NCK1: variants seen among roughly 807,000 people sequenced by gnomAD.
NCK1 encodes NCK adaptor protein 1.
In NCK1, 19 loss-of-function variants were observed where a neutral mutation model predicts 36.6. The observed-to-expected ratio is 0.52, with a 90% CI of 0.36 to 0.76. The LOEUF (loss-of-function observed/expected upper bound fraction) is 0.76. Ranked by LOEUF, NCK1 falls within the 30% of genes least tolerant of loss-of-function variation. The pLI, the probability that NCK1 is intolerant of heterozygous loss-of-function variation, is 0.00. For synonymous variants in NCK1, 165 were observed against 156.0 expected (o/e 1.06, Z -0.43); for missense variants, 358 against 445.6 (o/e 0.80, Z 1.77).
chr3:136,889,044 A>ATTTTTTTTTTT (rs58385753), intron 1 of NCK1: 12 of 91,212 alleles, frequency 1.3e-4, no homozygotes, highest in African/African-American at 2.1e-4. Flanking sequence ...TAATTTTTTG[A>ATTTTTTTTTTT]TTTTTTTTTT....
chr3:136,907,161 T>G (rs1001714277), intron 1 of NCK1, among the ~76,000 whole-genome samples: 1 of 152,188 alleles, frequency 6.6e-6, no homozygotes, highest in African/African-American at 2.4e-5. Context: ...CAGCAGCTAT[T>G]GCAGGCAGTG....
chr3:136,871,714 C>T lies in NCK1; in HGVS notation c.-19+9361C>T, dbSNP rs183638648. Among the ~76,000 whole-genome samples, 630 of 152,242 alleles carry T rather than the reference C, an allele frequency of 4.1e-3. 2 individuals are homozygous for T. Among genetic ancestry groups the T allele is most frequent in the Non-Finnish European group, 6.5e-3 (443 of 68,026 alleles). On this transcript the variant is annotated intron_variant, in intron 1 of 3. Coordinates refer to ENST00000481752, the MANE Select transcript of NCK1 (RefSeq NM_001291999.2). ...ACTCAAATCTCATCTTGAATTGTTACTCCCACAATTCCCACGTGTGGTTGG... is the reference window on the plus strand; with the variant it reads ...ACTCAAATCTCATCTTGAATTGTTATTCCCACAATTCCCACGTGTGGTTGG...
chr3:136,896,719 T>A lies in NCK1; in HGVS notation c.-18-31265T>A, dbSNP rs893024142. Among the ~76,000 whole-genome samples, 4 of 152,272 alleles carry A rather than the reference T, an allele frequency of 2.6e-5. No individual in the cohort carries two copies. In the East Asian group the frequency reaches 7.7e-4, roughly 29 times the overall value. On this transcript the variant is annotated intron_variant, in intron 1 of 3. Coordinates refer to ENST00000481752, the MANE Select transcript of NCK1 (RefSeq NM_001291999.2). ...TCTCACTATGTTGCCCAAACTGGTC[T>A]CAAATTCCTGGGCTCAAGCAGTCCT...
At chr3:136,897,961 A>G (rs1334535638) in intron 1 of NCK1, among the ~76,000 whole-genome samples, 1 of 152,254 alleles carries the variant, frequency 6.6e-6, no homozygotes, top group Non-Finnish European at 1.5e-5. Flanking sequence ...ATGACTAAAT[A>G]CTTGACAACT....
intron 2 of NCK1, among the ~76,000 whole-genome samples, chr3:136,935,801 C>T (rs950267676): frequency 3.3e-5 from 5 of 152,236 alleles, no homozygotes; most frequent in African/African-American, 1.2e-4. Flanking sequence ...GTGCAGCCAT[C>T]ACTTCTGATT....
intron 1 of NCK1, among the ~76,000 whole-genome samples, chr3:136,923,707 A>G (rs970512143): frequency 1.3e-5 from 2 of 152,242 alleles, no homozygotes; most frequent in Admixed American, 1.3e-4. Flanking sequence ...ATGTTTAAAC[A>G]TTCATATAAA....
At chr3:136,911,129 C>T (rs1342600212) in intron 1 of NCK1, among the ~76,000 whole-genome samples, 1 of 152,164 alleles carries the variant, frequency 6.6e-6, no homozygotes, top group African/African-American at 2.4e-5. Flanking sequence ...TGTATATACA[C>T]CACATTTTTT....
At position 136,950,692 on chromosome 3, in the gene NCK1, T is replaced by C. The variant is rs1053208777; in HGVS notation, c.*2239T>C. Reference sequence around the variant, plus strand: ...AAACCAAGTTTCCTTATTCCCAGCCTGGTGTCTGTATCGTGACACACTACT... The same window carrying C: ...AAACCAAGTTTCCTTATTCCCAGCCCGGTGTCTGTATCGTGACACACTACT... On this transcript the variant is annotated 3_prime_UTR_variant, in exon 4 of 4. Transcript: ENST00000481752. Among the ~76,000 whole-genome samples the C allele has an allele frequency of 2.0e-5, 3 of 152,170 alleles. No individual in the cohort carries two copies. The highest frequency in any genetic ancestry group is 2.0e-4 in the Admixed American group (3 of 15,268).
intron 1 of NCK1, among the ~76,000 whole-genome samples, chr3:136,862,887 G>A (rs752752493): frequency 7.9e-6 from 1 of 125,948 alleles, no homozygotes; most frequent in South Asian, 2.4e-4. Flanking sequence ...CCGTTTTCTA[G>A]TCTGGGGCTG....
At chr3:136,927,868 C>T in intron 1 of NCK1, 116 bp from the exon 2 acceptor site, 2 of 767,080 alleles carry the variant, frequency 2.6e-6, no homozygotes, top group Non-Finnish European at 4.2e-6. Flanking sequence ...TATTTTTTTC[C>T]ATATTTTTTA....
intron 1 of NCK1, among the ~76,000 whole-genome samples, chr3:136,922,353 A>G (rs1940134886): frequency 6.6e-6 from 1 of 152,200 alleles, no homozygotes; most frequent in South Asian, 2.1e-4. Flanking sequence ...TCACAAAGGG[A>G]CAGAGAAAGG....
intron 1 of NCK1, among the ~76,000 whole-genome samples, chr3:136,924,956 T>G (rs1940201308): frequency 6.6e-6 from 1 of 152,170 alleles, no homozygotes; most frequent in African/African-American, 2.4e-5. Context: ...AATCTGTTAG[T>G]GCTTAATGAA....
At chr3:136,912,546 C>T (rs1446407232) in intron 1 of NCK1, among the ~76,000 whole-genome samples, 1 of 150,772 alleles carries the variant, frequency 6.6e-6, no homozygotes. Context: ...CTTTCTTCTG[C>T]CTGCTCAAGT....
chr3:136,874,577 TC>T (rs1448280863), intron 1 of NCK1, among the ~76,000 whole-genome samples: 1 of 152,248 alleles, frequency 6.6e-6, no homozygotes, highest in East Asian at 1.9e-4. Flanking sequence ...AGTTTTTGAA[TC>T]TGCTTGATCT....
intron 1 of NCK1, among the ~76,000 whole-genome samples, chr3:136,890,074 G>C (rs572916742): frequency 6.6e-6 from 1 of 152,152 alleles, no homozygotes; most frequent in Admixed American, 6.5e-5. Context: ...GGGGAGGCTC[G>C]GGCGGCACAG....
intron 1 of NCK1, among the ~76,000 whole-genome samples, chr3:136,883,413 T>C (rs1467664941): frequency 1.3e-5 from 2 of 152,174 alleles, no homozygotes; most frequent in Non-Finnish European, 2.9e-5. Flanking sequence ...TTTAAATATT[T>C]ACATGACTGC....
chr3:136,950,530 A>G lies in NCK1; in HGVS notation c.*2077A>G, dbSNP rs1260828155. ...TGGAAGCTACTTATTTTGTACTTAA[A>G]TATTTTACCAATTTTTAAAAAGTCT... On this transcript the variant is annotated 3_prime_UTR_variant, in exon 4 of 4. Coordinates refer to ENST00000481752, the MANE Select transcript of NCK1 (RefSeq NM_001291999.2). Among the ~76,000 whole-genome samples, 1 of 152,178 alleles carries G rather than the reference A, an allele frequency of 6.6e-6. No individual in the cohort carries two copies. Among genetic ancestry groups the G allele is most frequent in the Non-Finnish European group, 1.5e-5 (1 of 68,014 alleles).
At chr3:136,935,224 T>C (rs561848388) in intron 2 of NCK1, among the ~76,000 whole-genome samples, 83 of 152,314 alleles carry the variant, frequency 5.4e-4, no homozygotes, top group African/African-American at 1.8e-3. Context: ...AATGTGTAAT[T>C]AGTCTTAGAC....
chr3:136,947,101 G>A (rs868450477), intron 3 of NCK1: 6 of 152,148 alleles, frequency 3.9e-5, no homozygotes, highest in Non-Finnish European at 5.9e-5. Flanking sequence ...AATTTTGAAA[G>A]AAAATGTGTG....
Sources: allele counts gnomAD v4.1 joint callset (sites outside exome capture counted in the v4.1 genomes callset), GRCh38; gene constraint gnomAD v4.1.1; transcripts MANE v1.5; gene names NCBI Gene and HGNC (gene_info 2026-07-23, HGNC 2026-07-21).